ARID1B: variants seen among roughly 807,000 people sequenced by gnomAD.
ARID1B encodes the protein AT-rich interactive domain-containing protein 1B.
In ARID1B, 30 loss-of-function variants were observed where a neutral mutation model predicts 212.3. That is an observed-to-expected ratio of 0.14 (90% CI 0.11 to 0.19). The LOEUF (loss-of-function observed/expected upper bound fraction) is 0.19. Ranked by LOEUF, ARID1B falls within the 10% of genes least tolerant of loss-of-function variation. ARID1B has a pLI of 1.00. For synonymous variants in ARID1B, 1,402 were observed against 1,301.7 expected (o/e 1.08, Z -1.66); for missense variants, 2,891 against 3,204.0 (o/e 0.90, Z 2.36).
chr6:156,915,079 A>G (rs927298034), intron 3 of ARID1B, among the ~76,000 whole-genome samples: 1 of 152,224 alleles, frequency 6.6e-6, no homozygotes, highest in Non-Finnish European at 1.5e-5. Context: ...ATTTGCTGAA[A>G]CATAGTAAAA....
chr6:156,891,544 T>G (rs1439943940), intron 2 of ARID1B, among the ~76,000 whole-genome samples: 1 of 152,234 alleles, frequency 6.6e-6, no homozygotes, highest in Non-Finnish European at 1.5e-5. Flanking sequence ...TCTTTATACC[T>G]ATACCACAAA....
intron 6 of ARID1B, among the ~76,000 whole-genome samples, chr6:157,114,574 C>T (rs1787196656): frequency 6.9e-6 from 1 of 145,118 alleles, no homozygotes. Flanking sequence ...AAACCATAGA[C>T]CCTGATAGAA....
intron 3 of ARID1B, among the ~76,000 whole-genome samples, chr6:156,920,488 A>C (rs536249063): frequency 1.1e-4 from 16 of 152,210 alleles, no homozygotes; most frequent in African/African-American, 3.1e-4. Context: ...TAATTTATAC[A>C]TAAAGTTCTT....
At chr6:156,986,876 T>TCGTTACAATAAGAA (rs1777951410) in intron 4 of ARID1B, among the ~76,000 whole-genome samples, 21 of 152,122 alleles carry the variant, frequency 1.4e-4, no homozygotes, top group Non-Finnish European at 2.8e-4. Context: ...TATATGTACT[T>TCGTTACAATAAGAA]TGTATTAATA....
At position 157,206,829 on chromosome 6, in the gene ARID1B, C is replaced by G; in HGVS notation, c.6057C>G (p.Pro2019=). 2.5e-6 allele frequency: 4 copies of G among 1,614,058 alleles called. No homozygotes were observed. The highest frequency in any genetic ancestry group is 2.5e-6 in the Non-Finnish European group (3 of 1,180,020). The change falls in exon 20 of 20, where the codon CCC becomes CCG. Residue 2019 remains proline (P), a synonymous_variant. Coordinates refer to ENST00000636930, the MANE Select transcript of ARID1B (RefSeq NM_001374828.1). This position sits in a 1 kb window ranked among gnomAD's most constrained non-coding sequence, Gnocchi z 6.8. ...TGCCTGAAGACGCAAACCCTGGGCCCCAGACCGAAAGCAGTAAGTTTCCCT... is the reference window on the plus strand; with the variant it reads ...TGCCTGAAGACGCAAACCCTGGGCCGCAGACCGAAAGCAGTAAGTTTCCCT... The part of the protein sequence containing the change: ...GALPEDANPG[P]QTESSKFPFG...
At position 157,010,328 on chromosome 6, in the gene ARID1B, T is replaced by G. The variant is rs188641550; in HGVS notation, c.2248-74334T>G. On this transcript the variant is annotated intron_variant, in intron 4 of 19. Transcript: ENST00000636930. ...TTGTTGTTGTTGTTGTTTTGGTTTG[T>G]TTTGGTTTGGTTTTGAGATGGAGAC... Among the ~76,000 whole-genome samples, 348 of 150,136 alleles carry G rather than the reference T, an allele frequency of 2.3e-3. 2 individuals are homozygous for G. Among genetic ancestry groups the G allele is most frequent in the African/African-American group, 7.9e-3 (321 of 40,766 alleles).
chr6:156,915,631 C>T (rs533359413), intron 3 of ARID1B, among the ~76,000 whole-genome samples: 1 of 151,738 alleles, frequency 6.6e-6, no homozygotes, highest in African/African-American at 2.4e-5. Flanking sequence ...CTCAGTGGCT[C>T]ATGCCTGAAA....
At chr6:156,967,102 T>C (rs543059470) in intron 4 of ARID1B, among the ~76,000 whole-genome samples, 1 of 152,364 alleles carries the variant, frequency 6.6e-6, no homozygotes, top group African/African-American at 2.4e-5. Context: ...TAACGCTGTC[T>C]TACTTTTAAA....
At chr6:156,805,453 G>A (rs287886) in intron 1 of ARID1B, among the ~76,000 whole-genome samples, 25,825 of 152,134 alleles carry the variant, frequency 0.17, 2,584 homozygotes, top group African/African-American at 0.26. Context: ...GATGTTGTCC[G>A]AGTGTCAGCT....
chr6:157,159,096 C>T (rs1426196712), intron 8 of ARID1B, among the ~76,000 whole-genome samples: 5 of 152,310 alleles, frequency 3.3e-5, no homozygotes, highest in South Asian at 4.1e-4. Flanking sequence ...CCCTGTGGCT[C>T]TAATCCACAC....
chr6:157,006,242 T>A (rs1779246000), intron 4 of ARID1B, among the ~76,000 whole-genome samples: 1 of 152,210 alleles, frequency 6.6e-6, no homozygotes, highest in Non-Finnish European at 1.5e-5. Context: ...TGTTGATTGA[T>A]AATGTTATAT....
chr6:157,077,646 C>G (rs1017488509), intron 4 of ARID1B, among the ~76,000 whole-genome samples: 2 of 152,154 alleles, frequency 1.3e-5, no homozygotes, highest in African/African-American at 4.8e-5. Flanking sequence ...GGACATTTAC[C>G]CGTCAGTCTG....
chr6:156,835,034 A>G (rs1349372822), intron 2 of ARID1B, among the ~76,000 whole-genome samples: 5 of 152,030 alleles, frequency 3.3e-5, no homozygotes, highest in Admixed American at 6.6e-5. Flanking sequence ...GGAGATAGAT[A>G]GAGACCATCC....
Position 157,190,300 on chromosome 6 carries a change from C to A in ARID1B, c.4231+90C>A. 7.1e-7 allele frequency: 1 copy of A among 1,402,142 alleles called. No individual in the cohort carries two copies. Among genetic ancestry groups the A allele is most frequent in the Non-Finnish European group, 9.5e-7 (1 of 1,048,892 alleles). 86.9% of individuals were successfully genotyped at this position (1,402,142 alleles called of 1,614,324 possible). A position where few individuals can be genotyped will look rare whatever the true frequency, so the allele number is the denominator to read the frequency against. On this transcript the variant is annotated intron_variant, in intron 15 of 19. Transcript: ENST00000636930. This position sits in a 1 kb window ranked among gnomAD's most constrained non-coding sequence, Gnocchi z 4.6. ...AACAGTTCACCTTTCACTCAGAACA[C>A]CTCTGAGCCCATGCTGCATCGGTGT...
At chr6:156,929,258 T>G (rs1791501663) in intron 3 of ARID1B, among the ~76,000 whole-genome samples, 1 of 152,226 alleles carries the variant, frequency 6.6e-6, no homozygotes, top group Non-Finnish European at 1.5e-5. Flanking sequence ...GGGCTGAGCA[T>G]GCCATCCTTG....
intron 2 of ARID1B, among the ~76,000 whole-genome samples, chr6:156,874,934 G>C (rs1004498856): frequency 2.0e-5 from 3 of 152,194 alleles, no homozygotes; most frequent in African/African-American, 7.2e-5. Flanking sequence ...CTTAAGAGCA[G>C]GAGCCACATC....
At chr6:157,039,227 A>G (rs1357957104) in intron 4 of ARID1B, among the ~76,000 whole-genome samples, 1 of 152,070 alleles carries the variant, frequency 6.6e-6, no homozygotes, top group Non-Finnish European at 1.5e-5. Flanking sequence ...TTTTTCAACA[A>G]TCCAGTGACT....
At chr6:156,897,215 GCTGCTTCTTCTTCTTCTT>G (rs1259038486) in intron 2 of ARID1B, among the ~76,000 whole-genome samples, 2 of 76,206 alleles carry the variant, frequency 2.6e-5, no homozygotes, top group African/African-American at 7.6e-5. Flanking sequence ...TGCTGCTGCT[GCTGCTTCTTCTTCTTCTT>G]CTTCTTCTTC....
chr6:157,043,082 A>G (rs1444208419), intron 4 of ARID1B, among the ~76,000 whole-genome samples: 1 of 152,246 alleles, frequency 6.6e-6, no homozygotes, highest in African/African-American at 2.4e-5. Flanking sequence ...GTTAAAGTAA[A>G]TCCTACACTT....
Sources: allele counts gnomAD v4.1 joint callset (sites outside exome capture counted in the v4.1 genomes callset), GRCh38; gene constraint gnomAD v4.1.1; non-coding constraint Gnocchi (gnomAD v3.1); transcripts MANE v1.5; gene names NCBI Gene and HGNC (gene_info 2026-07-23, HGNC 2026-07-21).